PLEKHA7: variants seen among roughly 807,000 people sequenced by gnomAD.
PLEKHA7 encodes pleckstrin homology domain-containing family A member 7.
In PLEKHA7, 104 loss-of-function variants were observed where a neutral mutation model predicts 170.0. The observed-to-expected ratio is 0.61, with a 90% confidence interval of 0.52 to 0.72. PLEKHA7 has a LOEUF of 0.72. Among genes scored for constraint, PLEKHA7 ranks in the 30% least tolerant of loss-of-function variants. The pLI is 0.00. For missense variants in PLEKHA7, 1,615 were observed against 1,671.7 expected (o/e 0.97, Z 0.59); for synonymous variants, 648 against 660.8 (o/e 0.98, Z 0.30).
intron 10 of PLEKHA7, among the ~76,000 whole-genome samples, chr11:16,822,783 G>T (rs1449544553): frequency 6.6e-6 from 1 of 152,130 alleles, no homozygotes; most frequent in South Asian, 2.1e-4. Flanking sequence ...ATCACTGGGG[G>T]AAGAGGGATA....
chr11:16,801,381 C>T (rs1233687274), intron 16 of PLEKHA7, among the ~76,000 whole-genome samples: 3 of 152,246 alleles, frequency 2.0e-5, no homozygotes, highest in Non-Finnish European at 4.4e-5. Context: ...TAACTGCACA[C>T]AGATCAGGGG....
chr11:16,870,102 CCACCTGAG>C (rs1854708543), intron 4 of PLEKHA7, among the ~76,000 whole-genome samples: 1 of 152,110 alleles, frequency 6.6e-6, no homozygotes, highest in African/African-American at 2.4e-5. Context: ...GTGGTAGAGC[CCACCTGAG>C]CACCTGAGAG....
Position 16,855,749 on chromosome 11 carries a change from G to A in PLEKHA7, c.417+54C>T, listed in dbSNP as rs572046956. The A allele has an allele frequency of 2.2e-4, 304 of 1,357,478 alleles. 6 individuals are homozygous for A. In the South Asian group the frequency reaches 3.5e-3, roughly 16 times the overall value. The allele number at this position is 1,357,478 out of a possible 1,614,324, so 84.1% of individuals were successfully genotyped here. A position where few individuals can be genotyped will look rare whatever the true frequency, so the allele number is the denominator to read the frequency against. On this transcript the variant is annotated intron_variant, in intron 5 of 26. Transcript: ENST00000531066. ...TCAAATGGACTTCTGGTTACAAAGG[G>A]GCTTGGCAAAATATAAAAGAAGGGA...
At chr11:16,900,191 T>C (rs1857242942) in intron 3 of PLEKHA7, among the ~76,000 whole-genome samples, 2 of 152,230 alleles carry the variant, frequency 1.3e-5, no homozygotes, top group Admixed American at 1.3e-4. Flanking sequence ...AAAATAACTC[T>C]ACACATTTAA....
At chr11:16,802,547 CT>C (rs34381620) in intron 15 of PLEKHA7, among the ~76,000 whole-genome samples, 26,426 of 146,852 alleles carry the variant, frequency 0.18, 2,536 homozygotes, top group Admixed American at 0.29. Flanking sequence ...AACACAAAGG[CT>C]TTTTTTTTTT....
In PLEKHA7 at chr11:16,817,131, C is replaced by A; in HGVS notation, c.1535G>T (p.Arg512Leu). ...CACGGTGCCATCCCGGTGCGCCCGG[C>A]GCTCTTCACTCGACATCTTCAGGTG... is the stretch of plus-strand genomic sequence containing the variant. ...ASHLKMSSEE[R>L]RAHRDGTVWQ... The change falls in exon 11 of 27, where the codon CGC becomes CTC. Residue 512 changes from arginine (R) to leucine (L), a missense_variant. Physicochemically the swap from Arg to Leu is moderately radical, Grantham distance 102. Coordinates refer to ENST00000531066, the MANE Select transcript of PLEKHA7 (RefSeq NM_001329630.2). This position sits in a 1 kb window ranked among gnomAD's most constrained non-coding sequence, Gnocchi z 4.4. The A allele has an allele frequency of 6.2e-7, 1 of 1,614,182 alleles. No individual in the cohort carries two copies. Among genetic ancestry groups the A allele is most frequent in the East Asian group, 2.2e-5 (1 of 44,890 alleles).
intron 3 of PLEKHA7, among the ~76,000 whole-genome samples, chr11:16,994,836 C>G (rs1864247822): frequency 6.6e-6 from 1 of 152,172 alleles, no homozygotes; most frequent in Non-Finnish European, 1.5e-5. Context: ...CCATGCTTCC[C>G]TTCTCAAAGC....
At chr11:16,863,794 G>C (rs1383079269) in intron 4 of PLEKHA7, among the ~76,000 whole-genome samples, 2 of 152,190 alleles carry the variant, frequency 1.3e-5, no homozygotes, top group African/African-American at 4.8e-5. Flanking sequence ...GGCCCTGCAT[G>C]TGGCTCTTTT....
At chr11:16,806,191 G>A (rs914430834) in intron 13 of PLEKHA7, among the ~76,000 whole-genome samples, 2 of 152,206 alleles carry the variant, frequency 1.3e-5, no homozygotes, top group African/African-American at 2.4e-5. Context: ...TCCTATGGAC[G>A]AAAGGTCACA....
chr11:16,983,827 A>G (rs903964722), intron 3 of PLEKHA7, among the ~76,000 whole-genome samples: 2 of 152,214 alleles, frequency 1.3e-5, no homozygotes, highest in African/African-American at 4.8e-5. Flanking sequence ...AGGTGGAATG[A>G]GGGCCCAGGC....
At chr11:16,834,748 G>T (rs375682540) in intron 9 of PLEKHA7, among the ~76,000 whole-genome samples, 51 of 152,244 alleles carry the variant, frequency 3.3e-4, no homozygotes, top group East Asian at 3.3e-3. Flanking sequence ...AAGTCAGTAA[G>T]ACAGATTTCA....
chr11:16,922,855 C>G (rs541327752), intron 3 of PLEKHA7, among the ~76,000 whole-genome samples: 1 of 152,280 alleles, frequency 6.6e-6, no homozygotes, highest in South Asian at 2.1e-4. Flanking sequence ...CTGCCCCTTT[C>G]CCCTGAGAGC....
intron 9 of PLEKHA7, among the ~76,000 whole-genome samples, chr11:16,837,108 G>C (rs1309861986): frequency 6.6e-6 from 1 of 152,174 alleles, no homozygotes; most frequent in East Asian, 1.9e-4. Context: ...ACAGGCATAA[G>C]CCACTGCACC....
intron 8 of PLEKHA7, among the ~76,000 whole-genome samples, chr11:16,848,843 T>C (rs1424784721): frequency 6.6e-6 from 1 of 152,208 alleles, no homozygotes; most frequent in East Asian, 1.9e-4. Flanking sequence ...GTCTGAGAAC[T>C]TCAGCTCTAT....
intron 3 of PLEKHA7, among the ~76,000 whole-genome samples, chr11:16,877,190 C>T (rs970457496): frequency 1.3e-5 from 2 of 152,116 alleles, no homozygotes; most frequent in African/African-American, 4.8e-5. Context: ...ACTGTAAAAG[C>T]GTTACCCTGC....
chr11:16,883,054 C>A (rs115743757), intron 3 of PLEKHA7, among the ~76,000 whole-genome samples: 2,370 of 152,254 alleles, frequency 0.016, 60 homozygotes, highest in African/African-American at 0.054. Flanking sequence ...ATATAACAAG[C>A]AAGTGGCAAG....
chr11:16,920,379 A>T (rs748267280), intron 3 of PLEKHA7, among the ~76,000 whole-genome samples: 1 of 152,238 alleles, frequency 6.6e-6, no homozygotes, highest in African/African-American at 2.4e-5. Context: ...ATGCCCAGAG[A>T]TGTATAAATA....
intron 3 of PLEKHA7, among the ~76,000 whole-genome samples, chr11:16,875,275 C>T (rs535881902): frequency 2.0e-5 from 3 of 152,112 alleles, no homozygotes; most frequent in South Asian, 4.1e-4. Context: ...ATGATGTAAG[C>T]AGGGCAGATA....
chr11:16,990,287 A>C (rs11024107), intron 3 of PLEKHA7, among the ~76,000 whole-genome samples: 1 of 111,280 alleles, frequency 9.0e-6, no homozygotes, highest in African/African-American at 3.6e-5. Flanking sequence ...AAAAAAAAAA[A>C]AAAAAAAAAA....
Sources: gnomAD v4.1 joint callset for allele counts (sites outside exome capture counted in the v4.1 genomes callset) on GRCh38, gnomAD v4.1.1 for gene constraint, Gnocchi (gnomAD v3.1) non-coding constraint, MANE v1.5 for transcripts, NCBI Gene and HGNC (gene_info 2026-07-23, HGNC 2026-07-21) for gene names.